PTPRQ: variants seen among roughly 807,000 people sequenced by gnomAD.
The protein encoded by PTPRQ is protein tyrosine phosphatase receptor type Q.
In PTPRQ, 199 loss-of-function variants were observed where a neutral mutation model predicts 246.0. That is an observed-to-expected ratio of 0.81 (90% CI 0.72 to 0.91). The LOEUF is 0.91. Ranked by LOEUF, PTPRQ falls within the 40% of genes least tolerant of loss-of-function variation. The pLI is 0.00. For synonymous variants in PTPRQ, 869 were observed against 853.2 expected (o/e 1.02, Z -0.32); for missense variants, 2,624 against 2,528.4 (o/e 1.04, Z -0.81).
Position 80,635,040 on chromosome 12 carries a change from C to T in PTPRQ, c.5882C>T (p.Ala1961Val). The T allele has an allele frequency of 6.4e-7, 1 of 1,551,204 alleles. No homozygotes were observed. The highest frequency in any genetic ancestry group is 8.7e-7 in the Non-Finnish European group (1 of 1,146,738). ...AAGCTGGATCAGCTCATCACAGTGG[C>T]AGACCTGGAACTGAAGGACGAGAGA... ...KLKLDQLITV[A>V]DLELKDERLT... The change falls in exon 35 of 45, where the codon GCA becomes GTA. Residue 1961 changes from alanine (A) to valine (V), a missense_variant. By Grantham distance (64) the Ala-to-Val change is moderately conservative (BLOSUM62 0). Coordinates refer to ENST00000644991, the MANE Select transcript of PTPRQ (RefSeq NM_001145026.2).
intron 39 of PTPRQ, among the ~76,000 whole-genome samples, chr12:80,666,052 C>G (rs1239022173): frequency 1.3e-5 from 2 of 151,998 alleles, no homozygotes; most frequent in African/African-American, 4.8e-5. Flanking sequence ...CCCAGCAATA[C>G]CACTACTGGG....
At chr12:80,637,198 A>AT (rs74516616) in intron 35 of PTPRQ, among the ~76,000 whole-genome samples, 17 of 150,846 alleles carry the variant, frequency 1.1e-4, no homozygotes, top group African/African-American at 1.7e-4. Context: ...AAAAGAGTAG[A>AT]TTTTTTTTTT....
At chr12:80,511,270 C>T (rs1358504084) in intron 17 of PTPRQ, among the ~76,000 whole-genome samples, 1 of 152,122 alleles carries the variant, frequency 6.6e-6, no homozygotes, top group African/African-American at 2.4e-5. Flanking sequence ...CCTTTAACCC[C>T]TTTACATATT....
intron 14 of PTPRQ, among the ~76,000 whole-genome samples, chr12:80,502,870 T>C (rs1272554198): frequency 6.6e-6 from 1 of 151,688 alleles, no homozygotes; most frequent in African/African-American, 2.4e-5. Flanking sequence ...ATTATAGAGA[T>C]AAAGAAATAC....
chr12:80,607,068 A>G (rs900535522), intron 27 of PTPRQ, among the ~76,000 whole-genome samples: 2 of 150,884 alleles, frequency 1.3e-5, no homozygotes. Context: ...TAGAATGGGA[A>G]GATAACAAAT....
At chr12:80,559,915 C>G (rs1896775320) in intron 25 of PTPRQ, among the ~76,000 whole-genome samples, 1 of 152,200 alleles carries the variant, frequency 6.6e-6, no homozygotes, top group South Asian at 2.1e-4. Context: ...TCCACTTCCT[C>G]CAACCACAGG....
chr12:80,638,480 C>A (rs1245444436), intron 35 of PTPRQ, among the ~76,000 whole-genome samples: 2 of 152,102 alleles, frequency 1.3e-5, no homozygotes, highest in African/African-American at 4.8e-5. Context: ...AAGTTACCAA[C>A]TAGGCAAAAA....
In PTPRQ at chr12:80,610,425, ATAT is replaced by A. The variant is rs1898505042; in HGVS notation, c.4732-12_4732-10del. 1 of 1,450,520 alleles carries A rather than the reference ATAT, an allele frequency of 6.9e-7. No individual in the cohort carries two copies. Among genetic ancestry groups the A allele is most frequent in the Admixed American group, 3.0e-5 (1 of 33,732 alleles). The allele number at this position is 1,450,520 out of a possible 1,614,324, so 89.9% of individuals were successfully genotyped here. On this transcript the variant is annotated splice_polypyrimidine_tract_variant and intron_variant, in intron 27 of 44. Transcript: ENST00000644991. ...AGTGCTGCTTCCTTAATTTTTACTT[ATAT>A]TTTCCTATAGGTAGATAATGATGAA... is the stretch of plus-strand genomic sequence containing the variant.
rs180885140 is a variant in PTPRQ, at chr12:80,649,966, G to T, written c.6024+297G>T. Among the ~76,000 whole-genome samples, 4 of 152,238 alleles carry T rather than the reference G, an allele frequency of 2.6e-5. No homozygotes were observed. The East Asian group carries it at 7.7e-4, about 29-fold the overall frequency. The stretch of plus-strand genomic sequence containing the variant: ...TCATCCAGATGTAGGTGCAAATGTA[G>T]AATGCCATATTCATTAGTTTGTTTT... On this transcript the variant is annotated intron_variant, in intron 37 of 44. Transcript: ENST00000644991.
At chr12:80,454,678 G>C (rs1283759326) in intron 3 of PTPRQ, 7 of 575,092 alleles carry the variant, frequency 1.2e-5, no homozygotes, top group East Asian at 2.8e-5. Flanking sequence ...TATCATGAAG[G>C]GATATTGGAT....
At chr12:80,576,111 T>C (rs1468861627) in intron 25 of PTPRQ, among the ~76,000 whole-genome samples, 1 of 152,142 alleles carries the variant, frequency 6.6e-6, no homozygotes, top group Non-Finnish European at 1.5e-5. Flanking sequence ...GTGTATATTT[T>C]AATCAATAAA....
At chr12:80,498,843 A>G (rs1205374762) in intron 14 of PTPRQ, among the ~76,000 whole-genome samples, 1 of 151,992 alleles carries the variant, frequency 6.6e-6, no homozygotes, top group African/African-American at 2.4e-5. Flanking sequence ...TGAATTATAA[A>G]GCAATGTTTT....
At position 80,670,362 on chromosome 12, in the gene PTPRQ, G is replaced by C. The variant is rs2121284777; in HGVS notation, c.6472G>C (p.Val2158Leu). Residue 2158 changes from valine to leucine, a missense_variant, in exon 42 of 45, where the codon GTT becomes CTT. Val to Leu is a conservative substitution (Grantham distance 32, BLOSUM62 1). Coordinates refer to ENST00000644991, the MANE Select transcript of PTPRQ (RefSeq NM_001145026.2). ...TGTCTAGCATGGGGATTGCATGACT[G>C]TTCGACAGTGTAACTTTACTGCCTG... ...KIERHGDCMT[V>L]RQCNFTAWPE... The C allele has an allele frequency of 1.9e-6, 3 of 1,550,772 alleles. No individual in the cohort carries two copies. The highest frequency in any genetic ancestry group is 2.6e-6 in the Non-Finnish European group (3 of 1,146,424).
Position 80,648,884 on chromosome 12 carries a change from A to T in PTPRQ, c.5916-13A>T. On this transcript the variant is annotated splice_polypyrimidine_tract_variant and intron_variant, in intron 35 of 44. Coordinates refer to ENST00000644991, the MANE Select transcript of PTPRQ (RefSeq NM_001145026.2). ...TCTGACTCACAATGCATTTAACACA[A>T]TCTCTATTGCAGGTTACTTAGTTAT... 2 of 1,528,902 alleles carry T rather than the reference A, an allele frequency of 1.3e-6. No homozygotes were observed. Among genetic ancestry groups the T allele is most frequent in the Non-Finnish European group, 1.8e-6 (2 of 1,137,506 alleles). The allele number at this position is 1,528,902 out of a possible 1,614,324, so 94.7% of individuals were successfully genotyped here.
Position 80,619,488 on chromosome 12 carries a change from A to G in PTPRQ, c.5335A>G (p.Ser1779Gly), listed in dbSNP as rs1350920434. The change falls in exon 31 of 45, where the codon AGT becomes GGT. Residue 1779 changes from serine to glycine, a missense_variant. Transcript: ENST00000644991. Reference sequence around the variant, plus strand: ...AATCAGAATGCCAATATGTTACTACAGTGATGATCATGGACCAATAAAAAA... The same window carrying G: ...AATCAGAATGCCAATATGTTACTACGGTGATGATCATGGACCAATAAAAAA... ...ITIRMPICYY[S>G]DDHGPIKNVQ... 13 of 1,547,136 alleles carry G rather than the reference A, an allele frequency of 8.4e-6. No individual in the cohort carries two copies. Among genetic ancestry groups the G allele is most frequent in the Non-Finnish European group, 1.0e-5 (12 of 1,144,232 alleles).
intron 22 of PTPRQ, 63 bp downstream of exon 22, chr12:80,542,427 A>G: frequency 1.3e-6 from 2 of 1,499,586 alleles, no homozygotes; most frequent in South Asian, 2.7e-5. Context: ...CTCTCTTTTT[A>G]AGGAACAGCA....
intron 3 of PTPRQ, among the ~76,000 whole-genome samples, chr12:80,455,890 C>T (rs1027313519): frequency 6.6e-5 from 10 of 152,042 alleles, no homozygotes; most frequent in Admixed American, 1.3e-4. Context: ...TGAGCCACCG[C>T]GCCCAGCCGT....
At chr12:80,609,927 A>G (rs1898485219) in intron 27 of PTPRQ, among the ~76,000 whole-genome samples, 1 of 150,610 alleles carries the variant, frequency 6.6e-6, no homozygotes, top group African/African-American at 2.4e-5. Flanking sequence ...GTGAAAAAAT[A>G]TTGAAATCTA....
intron 17 of PTPRQ, among the ~76,000 whole-genome samples, chr12:80,513,473 C>A (rs1351864917): frequency 6.6e-6 from 1 of 152,128 alleles, no homozygotes; most frequent in Non-Finnish European, 1.5e-5. Context: ...AACGTCCAGC[C>A]GCTTGTGTGT....
Sources: gnomAD v4.1 joint callset for allele counts (sites outside exome capture counted in the v4.1 genomes callset) on GRCh38, gnomAD v4.1.1 for gene constraint, MANE v1.5 for transcripts, NCBI Gene and HGNC (gene_info 2026-07-23, HGNC 2026-07-21) for gene names.